Variants in PTPN4 observed in about 807,000 individuals in gnomAD.
PTPN4 encodes tyrosine-protein phosphatase non-receptor type 4.
A neutral mutation model predicts 135.5 loss-of-function variants in PTPN4; 49 were observed. The observed-to-expected ratio is 0.36, with a 90% confidence interval of 0.29 to 0.46. PTPN4 has a LOEUF of 0.46. Ranked by LOEUF, PTPN4 falls within the 20% of genes least tolerant of loss-of-function variation. The pLI is 1.00. For synonymous variants in PTPN4, 333 were observed against 369.9 expected (o/e 0.90, Z 1.14); for missense variants, 860 against 1,101.0 (o/e 0.78, Z 3.10).
chr2:119,859,064 T>C (rs1420517658), intron 2 of PTPN4, among the ~76,000 whole-genome samples: 1 of 152,214 alleles, frequency 6.6e-6, no homozygotes, highest in Non-Finnish European at 1.5e-5. Flanking sequence ...ATTGTATTTT[T>C]CAGTTATATA....
chr2:119,907,290 G>GA (rs2105019566), intron 10 of PTPN4, among the ~76,000 whole-genome samples: 1 of 152,298 alleles, frequency 6.6e-6, no homozygotes, highest in East Asian at 1.9e-4. Context: ...CACAGGCATA[G>GA]AAAAAGCAGT....
intron 10 of PTPN4, 99 bp downstream of exon 10, chr2:119,900,905 AT>A: frequency 3.0e-6 from 2 of 657,870 alleles, no homozygotes; most frequent in Non-Finnish European, 4.7e-6. Context: ...TAATGTTGTC[AT>A]TTTACTTGTG....
At chr2:119,956,707 A>G (rs936622789) in intron 20 of PTPN4, 137 bp from the exon 21 acceptor site, 25 of 1,409,730 alleles carry the variant, frequency 1.8e-5, no homozygotes, top group African/African-American at 5.8e-5. Flanking sequence ...CTACTAGACT[A>G]TGGTATATCA....
chr2:119,811,083 G>T (rs939330804), intron 2 of PTPN4, among the ~76,000 whole-genome samples: 3 of 150,990 alleles, frequency 2.0e-5, no homozygotes, highest in Non-Finnish European at 4.4e-5. Flanking sequence ...CCAGTCGGGG[G>T]ATTAGGGGCT....
intron 2 of PTPN4, among the ~76,000 whole-genome samples, chr2:119,810,329 T>A (rs1691555090): frequency 6.6e-6 from 1 of 152,222 alleles, no homozygotes; most frequent in South Asian, 2.1e-4. Context: ...GTAATTTTAC[T>A]TGTACTGTCT....
chr2:119,842,086 G>A (rs182468107), intron 2 of PTPN4, among the ~76,000 whole-genome samples: 18 of 152,280 alleles, frequency 1.2e-4, no homozygotes, highest in African/African-American at 3.1e-4. Flanking sequence ...TATTCCTCAC[G>A]TAGATTTTAA....
At chr2:119,836,542 G>A (rs1677296412) in intron 2 of PTPN4, among the ~76,000 whole-genome samples, 9 of 152,256 alleles carry the variant, frequency 5.9e-5, no homozygotes, top group Admixed American at 5.9e-4. Flanking sequence ...CACGGAGCCT[G>A]CGGGAGCTGG....
rs1679355035 is a variant in PTPN4, at chr2:119,960,824, C to T, written c.2151C>T (p.Ser717=). Residue 717 remains serine (S), a synonymous_variant, in exon 23 of 27, where the codon TCC becomes TCT. Transcript: ENST00000263708. ...CTTTTTAGATGGAAATTCCTTCTTC[C>T]AGCATTATAAATCAGTACATTGCTT... ...ANYINMEIPS[S]SIINQYIACQ... is the part of the protein sequence containing the mutation. 2 of 1,604,106 alleles carry T rather than the reference C, an allele frequency of 1.2e-6. No individual in the cohort carries two copies. The highest frequency in any genetic ancestry group is 1.7e-6 in the Non-Finnish European group (2 of 1,177,122).
At chr2:119,794,641 T>C (rs545800275) in intron 1 of PTPN4, among the ~76,000 whole-genome samples, 124 of 152,184 alleles carry the variant, frequency 8.1e-4, no homozygotes, top group Non-Finnish European at 1.2e-3. Context: ...GTCAGAGCCC[T>C]GGCTTGGAGA....
chr2:119,914,857 T>C (rs1025853186), intron 10 of PTPN4, among the ~76,000 whole-genome samples: 5 of 152,170 alleles, frequency 3.3e-5, no homozygotes, highest in African/African-American at 9.6e-5. Context: ...TTGCATAAAG[T>C]AATGAAATCT....
intron 2 of PTPN4, among the ~76,000 whole-genome samples, chr2:119,815,517 T>C (rs1164979944): frequency 1.3e-5 from 2 of 152,240 alleles, no homozygotes; most frequent in South Asian, 4.1e-4. Context: ...GGTGTACATA[T>C]ACTGCTTGCA....
intron 1 of PTPN4, among the ~76,000 whole-genome samples, chr2:119,771,073 C>T (rs1381310668): frequency 6.6e-6 from 1 of 152,114 alleles, no homozygotes; most frequent in Non-Finnish European, 1.5e-5. Context: ...AAATCAGTTA[C>T]CATGTAACAA....
intron 15 of PTPN4, among the ~76,000 whole-genome samples, chr2:119,943,061 G>A (rs1254098294): frequency 6.6e-6 from 1 of 152,182 alleles, no homozygotes; most frequent in Admixed American, 6.5e-5. Context: ...CAGACATCTA[G>A]GCTAAGTGGG....
At chr2:119,936,462 G>A (rs1367445557) in intron 15 of PTPN4, among the ~76,000 whole-genome samples, 2 of 152,090 alleles carry the variant, frequency 1.3e-5, no homozygotes, top group Non-Finnish European at 2.9e-5. Flanking sequence ...CTCCCATGCT[G>A]TTCTTGTGAT....
In PTPN4 at chr2:119,977,014, T is replaced by A; in HGVS notation, c.2725T>A (p.Leu909Met). Residue 909 changes from leucine (L) to methionine (M), a missense_variant, in exon 27 of 27, where the codon TTG (leucine) becomes ATG (methionine). Transcript: ENST00000263708. The stretch of plus-strand genomic sequence containing the variant: ...ATACAGATTTGTATGTGAAGCTATT[T>A]TGAAAGTTTATGAAGAAGGCTTTGT... Reference protein sequence around the residue: ...SQYRFVCEAILKVYEEGFVKP... With the variant: ...SQYRFVCEAIMKVYEEGFVKP... 1 of 1,608,138 alleles carries A rather than the reference T, an allele frequency of 6.2e-7. No individual in the cohort carries two copies. Among genetic ancestry groups the A allele is most frequent in the Non-Finnish European group, 8.5e-7 (1 of 1,178,528 alleles).
chr2:119,954,230 G>A (rs2105053764), intron 19 of PTPN4, among the ~76,000 whole-genome samples: 1 of 152,134 alleles, frequency 6.6e-6, no homozygotes, highest in African/African-American at 2.4e-5. Context: ...AGATCTCTTA[G>A]GCAAGGGTAA....
chr2:119,834,770 T>C (rs942744974), intron 2 of PTPN4, among the ~76,000 whole-genome samples: 1 of 152,176 alleles, frequency 6.6e-6, no homozygotes, highest in Non-Finnish European at 1.5e-5. Flanking sequence ...AATCTCCCTG[T>C]GCCTCAGTTT....
intron 2 of PTPN4, among the ~76,000 whole-genome samples, chr2:119,850,268 C>G (rs1677571721): frequency 6.6e-6 from 1 of 152,180 alleles, no homozygotes. Context: ...GAAACTCCTG[C>G]CTTACAAGCA....
Position 119,811,272 on chromosome 2 carries a change from A to C in PTPN4, c.138+1281A>C, listed in dbSNP as rs559926052. ...TTTCTTATTTACCAGTTTAAGCTTA[A>C]AATTTTCTGTGTATTACTATATAGC... On this transcript the variant is annotated intron_variant, in intron 2 of 26. Transcript: ENST00000263708. Among the ~76,000 whole-genome samples the C allele has an allele frequency of 3.6e-3, 550 of 152,312 alleles. 3 individuals are homozygous for C. The highest frequency in any genetic ancestry group is 0.013 in the African/African-American group (528 of 41,566).
Sources: allele counts gnomAD v4.1 joint callset (sites outside exome capture counted in the v4.1 genomes callset), GRCh38; gene constraint gnomAD v4.1.1; transcripts MANE v1.5; gene names NCBI Gene and HGNC (gene_info 2026-07-23, HGNC 2026-07-21).